Variants in MAPK6 observed in about 807,000 individuals in gnomAD.
The protein encoded by MAPK6 is mitogen-activated protein kinase 6.
A neutral mutation model predicts 59.3 loss-of-function variants in MAPK6; 19 were observed. That is an observed-to-expected ratio of 0.32 (90% CI 0.22 to 0.47). The LOEUF (loss-of-function observed/expected upper bound fraction) is 0.47, where lower values mean the gene tolerates loss of function less well. Among genes scored for constraint, MAPK6 ranks in the 20% least tolerant of loss-of-function variants. The pLI is 1.00. For missense variants in MAPK6, 724 were observed against 847.9 expected, an observed-to-expected ratio of 0.85 and a Z score of 1.81; for synonymous variants, 316 against 290.3, an observed-to-expected ratio of 1.09 and a Z score of -0.90.
At chr15:52,019,064 CG>C (rs1043150838), upstream of MAPK6, 1 of 152,282 alleles carries the variant, frequency 6.6e-6, no homozygotes, top group Non-Finnish European at 1.5e-5. Context: ...GGACGAGCCG[CG>C]TGCCTTTCCC....
At chr15:51,994,130 T>C (rs2057217923) in intron 2 of MAPK6, among the ~76,000 whole-genome samples, 1 of 152,088 alleles carries the variant, frequency 6.6e-6, no homozygotes, top group Non-Finnish European at 1.5e-5. Flanking sequence ...CTGGCTAATT[T>C]TGTATTTTTA....
chr15:51,986,903 T>C (rs1257525683), intron 2 of MAPK6, among the ~76,000 whole-genome samples: 3 of 152,084 alleles, frequency 2.0e-5, no homozygotes, highest in Non-Finnish European at 4.4e-5. Flanking sequence ...CAGCTCAAAA[T>C]GAATTAGAAA....
At chr15:52,044,035 A>C (rs911860261) in intron 1 of MAPK6, among the ~76,000 whole-genome samples, 1 of 151,942 alleles carries the variant, frequency 6.6e-6, no homozygotes, top group Non-Finnish European at 1.5e-5. Flanking sequence ...CGGCTTCCCA[A>C]AGTGTTGGGA....
intron 1 of MAPK6, among the ~76,000 whole-genome samples, chr15:52,032,186 A>ATTTTTT (rs566086048): frequency 3.2e-5 from 3 of 92,478 alleles, no homozygotes; most frequent in Non-Finnish European, 6.5e-5. Flanking sequence ...ACAATTTTTA[A>ATTTTTT]TTTTTTTTTT....
intron 1 of MAPK6, among the ~76,000 whole-genome samples, chr15:51,980,748 G>A (rs1314821142): frequency 2.0e-5 from 3 of 150,662 alleles, no homozygotes; most frequent in South Asian, 2.1e-4. Flanking sequence ...ATACCACCAC[G>A]CCCAGCTAAA....
Position 52,064,525 on chromosome 15 carries a change from G to C in MAPK6, c.1691G>C (p.Ser564Thr). The C allele has an allele frequency of 6.2e-6, 10 of 1,609,930 alleles. No homozygotes were observed. Among genetic ancestry groups the C allele is most frequent in the Non-Finnish European group, 8.5e-6 (10 of 1,179,254 alleles). ...NSSVSQLELK[S>T]LISKSVSQEK... ...TCAGTGTCCCAACTAGAATTGAAAAGTTTGATATCAAAGTCAGTAAGCCAA... is the reference window on the plus strand; with the variant it reads ...TCAGTGTCCCAACTAGAATTGAAAACTTTGATATCAAAGTCAGTAAGCCAA... The change falls in exon 6 of 6, where the codon AGT (serine) becomes ACT (threonine). Residue 564 changes from serine to threonine, a missense_variant. Physicochemically the swap from Ser to Thr is moderately conservative, Grantham distance 58 (BLOSUM62 1). Around this residue, in one of 4 missense-constraint regions of MAPK6, gnomAD observed 502 missense variants for 507.6 expected, o/e 0.99. Transcript: ENST00000261845.
intron 3 of MAPK6, among the ~76,000 whole-genome samples, chr15:52,010,297 C>T (rs1189558308): frequency 1.3e-5 from 2 of 152,018 alleles, no homozygotes; most frequent in Admixed American, 1.3e-4. Context: ...TGGCTCACTG[C>T]AACCTCTGCC....
rs1198362567 is a variant in MAPK6, at chr15:52,066,002, G to A, written c.*1002G>A. The A allele has an allele frequency of 6.6e-6, 1 of 152,596 alleles. No homozygotes were observed. Among genetic ancestry groups the A allele is most frequent in the East Asian group, 1.9e-4 (1 of 5,200 alleles). 9.5% of individuals were successfully genotyped at this position (152,596 alleles called of 1,614,324 possible). On this transcript the variant is annotated 3_prime_UTR_variant, in exon 6 of 6. Transcript: ENST00000261845. ...TTTTAAAAAAACAAATGTTAGACTTGTGTGCATGGAAGTAATTAAGGTACA... is the reference window on the plus strand; with the variant it reads ...TTTTAAAAAAACAAATGTTAGACTTATGTGCATGGAAGTAATTAAGGTACA...
intron 1 of MAPK6, among the ~76,000 whole-genome samples, chr15:51,982,489 G>A (rs2057177380): frequency 1.3e-5 from 2 of 152,048 alleles, no homozygotes; most frequent in Non-Finnish European, 2.9e-5. Context: ...TGTAAAATGA[G>A]GTACACACAC....
chr15:51,976,924 T>C (rs2057159107), intron 1 of MAPK6, among the ~76,000 whole-genome samples: 1 of 151,676 alleles, frequency 6.6e-6, no homozygotes, highest in South Asian at 2.1e-4. Flanking sequence ...GCCTGGGAGA[T>C]AGAGCAAGAC....
At position 52,064,428 on chromosome 15, in the gene MAPK6, G is replaced by A; in HGVS notation, c.1594G>A (p.Ala532Thr). The A allele has an allele frequency of 6.2e-7, 1 of 1,611,644 alleles. No individual in the cohort carries two copies. The highest frequency in any genetic ancestry group is 8.5e-7 in the Non-Finnish European group (1 of 1,179,650). Reference sequence around the variant, plus strand: ...GGGATTTGATTTTGATTCCTTTATTGCAGGAACTATTCAGCTTAGTTCCCA... The same window carrying A: ...GGGATTTGATTTTGATTCCTTTATTACAGGAACTATTCAGCTTAGTTCCCA... ...NQGFDFDSFI[A>T]GTIQLSSQHE... Residue 532 changes from alanine (A) to threonine (T), a missense_variant, in exon 6 of 6, where the codon GCA (alanine) becomes ACA (threonine). Ala to Thr is a moderately conservative substitution (Grantham distance 58). Coordinates refer to ENST00000261845, the MANE Select transcript of MAPK6 (RefSeq NM_002748.4).
rs1405074584 is a variant in MAPK6, at chr15:52,046,590, A to C, written c.130A>C (p.Lys44Gln). The change falls in exon 2 of 6, where the codon AAA becomes CAA. Residue 44 changes from lysine to glutamine, a missense_variant. Physicochemically the swap from Lys to Gln is moderately conservative, Grantham distance 53 (BLOSUM62 1). Coordinates refer to ENST00000261845, the MANE Select transcript of MAPK6 (RefSeq NM_002748.4). ...VFSAVDNDCD[K>Q]RVAIKKIVLT... ...TTCTGCTGTAGACAATGACTGTGAC[A>C]AAAGAGTAGCCATCAAGAAAATTGT... 2.5e-6 allele frequency: 4 copies of C among 1,614,250 alleles called. No individual in the cohort carries two copies. Among genetic ancestry groups the C allele is most frequent in the Non-Finnish European group, 3.4e-6 (4 of 1,180,034 alleles).
chr15:52,038,155 T>TG (rs1491323763), intron 1 of MAPK6, among the ~76,000 whole-genome samples: 12 of 51,776 alleles, frequency 2.3e-4, no homozygotes, highest in Admixed American at 7.2e-4. Context: ...AGCTCAAGAT[T>TG]GAAAAAAAAA....
rs749756922 is a variant in MAPK6 at position 52,064,784 on chromosome 15, G to A, written c.1950G>A (p.Gly650=). The part of the protein sequence containing the change: ...EMLETEPVED[G]KLGERGHEEG... ...TAGAAACTGAGCCAGTAGAGGATGGGAAGCTTGGGGAGAGAGGACATGAGG... is the reference window on the plus strand; with the variant it reads ...TAGAAACTGAGCCAGTAGAGGATGGAAAGCTTGGGGAGAGAGGACATGAGG... Residue 650 remains glycine (G), a synonymous_variant, in exon 6 of 6, where the codon GGG becomes GGA. Transcript: ENST00000261845. 1.2e-6 allele frequency: 2 copies of A among 1,611,956 alleles called. No homozygotes were observed. Among genetic ancestry groups the A allele is most frequent in the Non-Finnish European group, 1.7e-6 (2 of 1,179,808 alleles).
chr15:52,042,576 ATC>A (rs1185231118), intron 1 of MAPK6, among the ~76,000 whole-genome samples: 5 of 152,182 alleles, frequency 3.3e-5, no homozygotes, highest in African/African-American at 1.2e-4. Flanking sequence ...TTGAGTAAGG[ATC>A]TCTCATTTTC....
intron 1 of MAPK6, among the ~76,000 whole-genome samples, chr15:52,025,495 T>A (rs1283681324): frequency 6.6e-6 from 1 of 152,246 alleles, no homozygotes; most frequent in Non-Finnish European, 1.5e-5. Context: ...ATTTTTTATT[T>A]AATTTTAATT....
intron 2 of MAPK6, among the ~76,000 whole-genome samples, chr15:51,989,176 T>C (rs1400865099): frequency 1.3e-5 from 2 of 150,008 alleles, no homozygotes; most frequent in Non-Finnish European, 3.0e-5. Context: ...GCTTTCCGGG[T>C]TCAAGCAATT....
In MAPK6 at chr15:52,046,196, T is replaced by G; in HGVS notation, c.-265T>G. 1 of 327,988 alleles carries G rather than the reference T, an allele frequency of 3.0e-6. No homozygotes were observed. Among genetic ancestry groups the G allele is most frequent in the Non-Finnish European group, 5.6e-6 (1 of 179,222 alleles). The allele number at this position is 327,988 out of a possible 1,614,324, so 20.3% of individuals were successfully genotyped here. ...GAGTTTCTTGTTTTCGTTAAATGTCTGCAGAGTTGCTGCCCCTTTCTTGAA... is the reference window on the plus strand; with the variant it reads ...GAGTTTCTTGTTTTCGTTAAATGTCGGCAGAGTTGCTGCCCCTTTCTTGAA... On this transcript the variant is annotated 5_prime_UTR_variant, in exon 2 of 6. Transcript: ENST00000261845.
intron 3 of MAPK6, chr15:52,011,127 G>C (rs980110952): frequency 2.6e-5 from 4 of 152,244 alleles, no homozygotes; most frequent in Admixed American, 2.0e-4. Context: ...TCACCCTACG[G>C]GAACGTTGCC....
Sources: allele counts gnomAD v4.1 joint callset (sites outside exome capture counted in the v4.1 genomes callset), GRCh38; gene constraint gnomAD v4.1.1; regional missense constraint gnomAD v4.1.1; transcripts MANE v1.5; gene names NCBI Gene and HGNC (gene_info 2026-07-23, HGNC 2026-07-21).